ARHGEF9: variants seen among roughly 807,000 people sequenced by gnomAD.
ARHGEF9 encodes Cdc42 guanine nucleotide exchange factor 9, also known as rho guanine nucleotide exchange factor 9.
A neutral mutation model predicts 41.3 loss-of-function variants in ARHGEF9; 2 were observed. The observed-to-expected ratio is 0.05, with a 90% CI of 0.02 to 0.15. The LOEUF (loss-of-function observed/expected upper bound fraction) is 0.15. Ranked by LOEUF, ARHGEF9 falls within the 10% of genes least tolerant of loss-of-function variation. ARHGEF9 has a pLI of 1.00. For synonymous variants in ARHGEF9, 160 were observed against 154.4 expected (o/e 1.04, Z -0.27); for missense variants, 225 against 424.7 (o/e 0.53, Z 4.13).
intron 1 of ARHGEF9, chrX:63,726,781 T>A (rs2053996828): frequency 8.9e-6 from 1 of 111,901 alleles, no homozygotes; most frequent in African/African-American, 3.3e-5. Flanking sequence ...ACTACCAATG[T>A]CTACTCATTA....
At chrX:63,680,268 G>A (rs1199097155) in intron 4 of ARHGEF9, among the ~76,000 whole-genome samples, 1 of 112,312 alleles carries the variant, frequency 8.9e-6, no homozygotes, top group East Asian at 2.8e-4. Context: ...CAGCAATATA[G>A]TGAAAGAAAA....
chrX:63,776,731 C>T (rs1182814800), intron 1 of ARHGEF9, among the ~76,000 whole-genome samples: 1 of 111,474 alleles, frequency 9.0e-6, no homozygotes, highest in African/African-American at 3.3e-5. Flanking sequence ...AAGTAGATAA[C>T]AAAGTGGACT....
Position 63,726,399 on chromosome X carries a change from C to T in ARHGEF9, c.31-1688G>A, listed in dbSNP as rs782142119. 4.5e-4 allele frequency among the ~76,000 whole-genome samples: 50 copies of T among 111,753 alleles called. No homozygotes were observed. In the South Asian group the frequency reaches 0.015, roughly 33 times the overall value. On this transcript the variant is annotated intron_variant, in intron 1 of 9. Coordinates refer to ENST00000671741, the MANE Select transcript of ARHGEF9 (RefSeq NM_001353921.2). ...TGTTGCCCAGGTTGGAGTGCAGTGG[C>T]GCAGTCTTGGCTCACTGCAACCTCC...
intron 1 of ARHGEF9, among the ~76,000 whole-genome samples, chrX:63,778,293 C>T (rs1346169024): frequency 8.9e-6 from 1 of 112,063 alleles, no homozygotes; most frequent in Non-Finnish European, 1.9e-5. Flanking sequence ...TACGTTGGCC[C>T]CTTTTAGCCA....
At chrX:63,660,007 G>C (rs1290277035) in intron 7 of ARHGEF9, among the ~76,000 whole-genome samples, 2 of 111,519 alleles carry the variant, frequency 1.8e-5, no homozygotes, top group African/African-American at 6.5e-5. Context: ...ACTTAAAAAA[G>C]AACTACCTTT....
At chrX:63,638,807 C>T (rs781994551) in intron 9 of ARHGEF9, 2 of 289,347 alleles carry the variant, frequency 6.9e-6, no homozygotes, top group Non-Finnish European at 1.2e-5. Flanking sequence ...AGAGAATTGA[C>T]ATTAGTAGGT....
At chrX:63,695,323 T>C (rs181710653) in intron 4 of ARHGEF9, among the ~76,000 whole-genome samples, 12 of 112,103 alleles carry the variant, frequency 1.1e-4, no homozygotes, top group African/African-American at 2.3e-4. Flanking sequence ...CATCTAGTCT[T>C]CGGTTTGTTG....
intron 3 of ARHGEF9, among the ~76,000 whole-genome samples, chrX:63,702,466 T>C: frequency 8.9e-6 from 1 of 112,418 alleles, no homozygotes; most frequent in Non-Finnish European, 1.9e-5. Context: ...ACTGACCTCA[T>C]TGAATAACTT....
At chrX:63,719,453 G>A (rs2053513847) in intron 2 of ARHGEF9, among the ~76,000 whole-genome samples, 1 of 112,271 alleles carries the variant, frequency 8.9e-6, no homozygotes, top group Non-Finnish European at 1.9e-5. Context: ...TTAAGATTCA[G>A]AAGGGGACAA....
chrX:63,777,531 T>A (rs782320806), intron 1 of ARHGEF9, among the ~76,000 whole-genome samples: 21 of 111,763 alleles, frequency 1.9e-4, no homozygotes, highest in African/African-American at 6.8e-4. Flanking sequence ...CACTCCAGCA[T>A]TAACTCAAAA....
At chrX:63,706,585 C>A in intron 2 of ARHGEF9, 136 bp from the exon 3 acceptor site, 2 of 734,941 alleles carry the variant, frequency 2.7e-6, no homozygotes, top group Non-Finnish European at 3.9e-6. Flanking sequence ...AAGTAGAATT[C>A]GAAACCTGGC....
In ARHGEF9 at chrX:63,721,982, G is replaced by A. The variant is rs1412422068; in HGVS notation, c.210+2550C>T. ...AGGTCAAGACACATATACCTGGTAA[G>A]TTCCTGTACAGTGGCTAAATGGTAT... On this transcript the variant is annotated intron_variant, in intron 2 of 9. Transcript: ENST00000671741. Among the ~76,000 whole-genome samples the A allele has an allele frequency of 3.6e-5, 4 of 112,064 alleles. No homozygotes were observed. In the Admixed American group the frequency reaches 3.8e-4, roughly 11 times the overall value.
At chrX:63,711,185 C>T (rs2052907472) in intron 2 of ARHGEF9, among the ~76,000 whole-genome samples, 1 of 111,448 alleles carries the variant, frequency 9.0e-6, no homozygotes, top group Admixed American at 9.5e-5. Context: ...AAAAACCTCT[C>T]CTATTCATGG....
At chrX:63,677,761 G>C (rs1556364032) in intron 5 of ARHGEF9, among the ~76,000 whole-genome samples, 1 of 111,708 alleles carries the variant, frequency 9.0e-6, no homozygotes, top group Non-Finnish European at 1.9e-5. Context: ...AATCCCAGGC[G>C]AATGTCCTAT....
Position 63,635,181 on chromosome X carries a change from C to CCCA in ARHGEF9, c.*2846_*2847insTGG. The CCCA allele has an allele frequency of 5.8e-6, 2 of 343,344 alleles. No homozygotes were observed. The highest frequency in any genetic ancestry group is 5.2e-6 in the Non-Finnish European group (1 of 190,980). 28.3% of individuals were successfully genotyped at this position (343,344 alleles called of 1,213,427 possible). On this transcript the variant is annotated 3_prime_UTR_variant, in exon 10 of 10. Transcript: ENST00000671741. ...CCCATCCATCCACCCCAGCCCACCC[C>CCCA]ATCCCCAAAGCACTAAAAGATCACT...
intron 7 of ARHGEF9, among the ~76,000 whole-genome samples, chrX:63,663,998 C>A (rs1340736614): frequency 1.8e-5 from 2 of 111,985 alleles, no homozygotes; most frequent in Non-Finnish European, 3.8e-5. Flanking sequence ...GGGAAGAAAG[C>A]CTATGGTTCT....
chrX:63,653,176 T>C (rs1193477445), intron 8 of ARHGEF9, among the ~76,000 whole-genome samples: 1 of 111,719 alleles, frequency 9.0e-6, no homozygotes, highest in Non-Finnish European at 1.9e-5. Flanking sequence ...CCTGACTGAA[T>C]CTGTTGCAAG....
At chrX:63,745,523 T>C (rs1158654914) in intron 1 of ARHGEF9, among the ~76,000 whole-genome samples, 5 of 111,288 alleles carry the variant, frequency 4.5e-5, no homozygotes, top group Admixed American at 2.9e-4. Flanking sequence ...CAAGGGAGCA[T>C]AGAGCCAGAA....
intron 4 of ARHGEF9, among the ~76,000 whole-genome samples, chrX:63,684,163 C>CAA (rs200445894): frequency 9.6e-6 from 1 of 104,362 alleles, no homozygotes; most frequent in African/African-American, 3.5e-5. Flanking sequence ...CACTTCACAG[C>CAA]AAAAAAAAAC....
Sources: gnomAD v4.1 joint callset for allele counts (sites outside exome capture counted in the v4.1 genomes callset) on GRCh38, gnomAD v4.1.1 for gene constraint, MANE v1.5 for transcripts, NCBI Gene and HGNC (gene_info 2026-07-23, HGNC 2026-07-21) for gene names.